The following RBFOX1 variants were observed in gnomAD, a reference collection of about 807,000 sequenced individuals.
RBFOX1 encodes RNA binding protein fox-1 homolog 1.
RBFOX1 carries 8 observed loss-of-function variants against 57.7 expected under a neutral mutation model. That is an observed-to-expected ratio of 0.14 (90% CI 0.08 to 0.25). The LOEUF is 0.25. Among genes scored for constraint, RBFOX1 ranks in the 10% least tolerant of loss-of-function variants. RBFOX1 has a pLI of 1.00. For synonymous variants in RBFOX1, 326 were observed against 222.4 expected (o/e 1.47, Z -4.15); for missense variants, 611 against 548.5 (o/e 1.11, Z -1.14).
chr16:7,337,991 G>C (rs1232081528), intron 4 of RBFOX1, among the ~76,000 whole-genome samples: 1 of 152,144 alleles, frequency 6.6e-6, no homozygotes, highest in Non-Finnish European at 1.5e-5. Context: ...CCTAGGGCTG[G>C]TGAATGTTTA....
intron 11 of RBFOX1, among the ~76,000 whole-genome samples, chr16:7,650,564 C>A (rs1308965105): frequency 6.7e-6 from 1 of 149,188 alleles, no homozygotes; most frequent in African/African-American, 2.4e-5. Flanking sequence ...AGCACGTGCT[C>A]CCCTCTCTCT....
intron 1 of RBFOX1, among the ~76,000 whole-genome samples, chr16:5,282,967 T>A (rs1234310854): frequency 6.6e-6 from 1 of 152,066 alleles, no homozygotes; most frequent in Non-Finnish European, 1.5e-5. Flanking sequence ...CCCAGAGGCC[T>A]AGGAAGAAAA....
In RBFOX1 at chr16:7,612,088, G is replaced by A. The variant is rs575813650; in HGVS notation, c.676+4750G>A. Among the ~76,000 whole-genome samples the A allele has an allele frequency of 1.2e-4, 18 of 152,162 alleles. No homozygotes were observed. The East Asian group carries it at 1.4e-3, about 11-fold the overall frequency. On this transcript the variant is annotated intron_variant, in intron 10 of 15. Coordinates refer to ENST00000550418, the MANE Select transcript of RBFOX1 (RefSeq NM_018723.4). The stretch of plus-strand genomic sequence containing the variant: ...TGTAATCCCAGCACTTTGGGAGGCC[G>A]AGGCAGGTGGATCACGAGGTCAGGG...
chr16:5,587,205 G>A (rs907134506), intron 2 of RBFOX1, among the ~76,000 whole-genome samples: 1 of 152,142 alleles, frequency 6.6e-6, no homozygotes, highest in African/African-American at 2.4e-5. Context: ...ATCTGTAAGA[G>A]ACTTACATCT....
chr16:5,559,422 A>G (rs990939461), intron 2 of RBFOX1, among the ~76,000 whole-genome samples: 3 of 152,186 alleles, frequency 2.0e-5, no homozygotes, highest in Non-Finnish European at 4.4e-5. Flanking sequence ...AGGCTAATAC[A>G]TGAGGAAATA....
At chr16:7,591,673 G>C (rs1262880807) in intron 7 of RBFOX1, among the ~76,000 whole-genome samples, 1 of 152,112 alleles carries the variant, frequency 6.6e-6, no homozygotes, top group African/African-American at 2.4e-5. Context: ...GTGTGTCTCT[G>C]ACTCCCCTTC....
chr16:7,684,380 G>C (rs896602287), intron 14 of RBFOX1, among the ~76,000 whole-genome samples: 1 of 152,054 alleles, frequency 6.6e-6, no homozygotes, highest in East Asian at 1.9e-4. Flanking sequence ...AAACTAGGGA[G>C]AATAGAAGGA....
chr16:5,267,048 C>T (rs1388213476), intron 1 of RBFOX1, among the ~76,000 whole-genome samples: 3 of 151,848 alleles, frequency 2.0e-5, no homozygotes, highest in Non-Finnish European at 2.9e-5. Flanking sequence ...CTGAGAGGAG[C>T]CTTGCAAGGT....
chr16:5,781,814 A>G (rs554539885), intron 3 of RBFOX1, among the ~76,000 whole-genome samples: 7 of 152,218 alleles, frequency 4.6e-5, no homozygotes, highest in South Asian at 4.1e-4. Context: ...GTTATCCTCT[A>G]TGGCACTGAT....
At chr16:7,070,562 C>T (rs114779199) in intron 4 of RBFOX1, among the ~76,000 whole-genome samples, 1,537 of 152,254 alleles carry the variant, frequency 0.01, 30 homozygotes, top group African/African-American at 0.035. Context: ...GAATTAAACA[C>T]TGAACTCTTT....
intron 4 of RBFOX1, among the ~76,000 whole-genome samples, chr16:7,181,384 T>G (rs923433659): frequency 2.0e-5 from 3 of 152,196 alleles, no homozygotes; most frequent in African/African-American, 7.2e-5. Context: ...AATATTTTTG[T>G]TAACAAGTGG....
At chr16:5,565,324 C>T (rs1596299521) in intron 2 of RBFOX1, among the ~76,000 whole-genome samples, 1 of 152,110 alleles carries the variant, frequency 6.6e-6, no homozygotes, top group Admixed American at 6.5e-5. Context: ...CATACCACTA[C>T]ATTAGAATTT....
chr16:5,805,424 A>G (rs567067973), intron 3 of RBFOX1, among the ~76,000 whole-genome samples: 1 of 152,316 alleles, frequency 6.6e-6, no homozygotes, highest in South Asian at 2.1e-4. Flanking sequence ...CAATTCCCTC[A>G]TCTTTAATAT....
chr16:6,594,281 C>T (rs756124530), intron 2 of RBFOX1, among the ~76,000 whole-genome samples: 6 of 152,222 alleles, frequency 3.9e-5, no homozygotes, highest in Non-Finnish European at 7.4e-5. Flanking sequence ...TTAACAGAAC[C>T]ATCTAGACAG....
At chr16:6,436,997 A>T (rs2094254213) in intron 2 of RBFOX1, among the ~76,000 whole-genome samples, 2 of 152,170 alleles carry the variant, frequency 1.3e-5, no homozygotes, top group African/African-American at 4.8e-5. Flanking sequence ...GACTTGCTAT[A>T]TATAGAGAGA....
At chr16:7,425,832 C>T (rs2098605330) in intron 4 of RBFOX1, among the ~76,000 whole-genome samples, 1 of 152,140 alleles carries the variant, frequency 6.6e-6, no homozygotes, top group Non-Finnish European at 1.5e-5. Flanking sequence ...TCTTAAAATA[C>T]TGCCTTGTTA....
At chr16:6,730,039 A>G (rs971769830) in intron 3 of RBFOX1, among the ~76,000 whole-genome samples, 4 of 152,132 alleles carry the variant, frequency 2.6e-5, no homozygotes, top group Admixed American at 2.0e-4. Context: ...GGAAATAATC[A>G]TGGAGATAAT....
chr16:6,608,014 C>T, intron 2 of RBFOX1, among the ~76,000 whole-genome samples: 1 of 152,066 alleles, frequency 6.6e-6, no homozygotes, highest in South Asian at 2.1e-4. Context: ...GTGATACATC[C>T]TCTGTAATAT....
intron 1 of RBFOX1, among the ~76,000 whole-genome samples, chr16:5,379,512 G>A (rs1011017819): frequency 2.6e-5 from 4 of 152,106 alleles, no homozygotes; most frequent in African/African-American, 9.7e-5. Context: ...ACAAGCACAT[G>A]CTCTAGAAGT....
Sources: allele counts gnomAD v4.1 joint callset (sites outside exome capture counted in the v4.1 genomes callset), GRCh38; gene constraint gnomAD v4.1.1; transcripts MANE v1.5; gene names NCBI Gene and HGNC (gene_info 2026-07-23, HGNC 2026-07-21).